The following SH3RF1 variants were observed in gnomAD, a reference collection of about 807,000 sequenced individuals.
SH3RF1 encodes the protein SH3 domain containing ring finger 1.
SH3RF1 carries 32 observed loss-of-function variants against 74.0 expected under a neutral mutation model. The observed-to-expected ratio is 0.43, with a 90% confidence interval of 0.33 to 0.58. SH3RF1 has a LOEUF of 0.58. Among genes scored for constraint, SH3RF1 ranks in the 20% least tolerant of loss-of-function variants. The probability of loss-of-function intolerance (pLI) is 0.05; values close to 1 mark genes in which losing one functional copy is unlikely to be tolerated. For synonymous variants in SH3RF1, 396 were observed against 439.6 expected, an observed-to-expected ratio of 0.90 and a Z score of 1.24; for missense variants, 954 against 1,130.9, an observed-to-expected ratio of 0.84 and a Z score of 2.24.
rs927948009 is a variant in SH3RF1 at position 169,121,308 on chromosome 4, T to C, written c.1347-319A>G. ...GTGCCTAACTTGCTACCAGAGATTATGTACCCACTGGGAAAACTGAGTTCT... is the reference window on the plus strand; with the variant it reads ...GTGCCTAACTTGCTACCAGAGATTACGTACCCACTGGGAAAACTGAGTTCT... On this transcript the variant is annotated intron_variant, in intron 7 of 11. Transcript: ENST00000284637. Among the ~76,000 whole-genome samples the C allele has an allele frequency of 3.9e-5, 6 of 152,326 alleles. No individual in the cohort carries two copies. The South Asian group carries it at 1.2e-3, about 32-fold the overall frequency.
chr4:169,169,826 C>A (rs1479957571), intron 2 of SH3RF1, among the ~76,000 whole-genome samples: 1 of 152,068 alleles, frequency 6.6e-6, no homozygotes, highest in Non-Finnish European at 1.5e-5. Context: ...CTCCTGGGCT[C>A]AAGCAATCCT....
At chr4:169,207,186 A>G (rs1377517743) in intron 2 of SH3RF1, among the ~76,000 whole-genome samples, 1 of 152,102 alleles carries the variant, frequency 6.6e-6, no homozygotes, top group Non-Finnish European at 1.5e-5. Flanking sequence ...TCAAACTCCT[A>G]AGCTCAAGCA....
intron 2 of SH3RF1, among the ~76,000 whole-genome samples, chr4:169,207,703 T>G (rs1730284414): frequency 6.6e-6 from 1 of 152,314 alleles, no homozygotes; most frequent in Middle Eastern, 3.4e-3. Flanking sequence ...AACTCTAGAA[T>G]GTGATGGCTG....
intron 2 of SH3RF1, among the ~76,000 whole-genome samples, chr4:169,195,303 C>T (rs1419907814): frequency 6.6e-6 from 1 of 151,920 alleles, no homozygotes; most frequent in Non-Finnish European, 1.5e-5. Flanking sequence ...TATAATTATA[C>T]CTCCTAGGAA....
chr4:169,134,661 TG>T (rs1733667221), intron 5 of SH3RF1, among the ~76,000 whole-genome samples: 1 of 152,230 alleles, frequency 6.6e-6, no homozygotes. Context: ...TGAACCTTTC[TG>T]GATTAACCTC....
intron 5 of SH3RF1, among the ~76,000 whole-genome samples, chr4:169,134,945 C>T (rs1733678647): frequency 6.6e-6 from 1 of 152,150 alleles, no homozygotes. Context: ...CATGGCCCTA[C>T]CACCTAAAAA....
intron 2 of SH3RF1, among the ~76,000 whole-genome samples, chr4:169,260,933 T>C (rs941734457): frequency 6.6e-6 from 1 of 152,162 alleles, no homozygotes; most frequent in African/African-American, 2.4e-5. Context: ...CAAATAGAAA[T>C]GAAATTAAAT....
At chr4:169,121,233 C>T (rs1733431680) in intron 7 of SH3RF1, among the ~76,000 whole-genome samples, 1 of 152,186 alleles carries the variant, frequency 6.6e-6, no homozygotes, top group Non-Finnish European at 1.5e-5. Context: ...AGTTACTATC[C>T]CACCAAATAG....
chr4:169,208,591 G>A (rs1366442156), intron 2 of SH3RF1, among the ~76,000 whole-genome samples: 2 of 152,108 alleles, frequency 1.3e-5, no homozygotes, highest in Admixed American at 6.6e-5. Context: ...AGTCATCTTA[G>A]TTATACCAAT....
At chr4:169,226,690 A>T (rs1413083960) in intron 2 of SH3RF1, among the ~76,000 whole-genome samples, 1 of 152,166 alleles carries the variant, frequency 6.6e-6, no homozygotes, top group Non-Finnish European at 1.5e-5. Flanking sequence ...TTTTATAGGA[A>T]ACTATTGTAG....
chr4:169,097,990 G>C (rs759910404), intron 11 of SH3RF1, among the ~76,000 whole-genome samples: 4 of 152,212 alleles, frequency 2.6e-5, no homozygotes, highest in Admixed American at 6.5e-5. Flanking sequence ...ATGTGAATAA[G>C]CCATCTTAGA....
At chr4:169,230,719 C>T (rs1327799644) in intron 2 of SH3RF1, among the ~76,000 whole-genome samples, 1 of 151,850 alleles carries the variant, frequency 6.6e-6, no homozygotes, top group Non-Finnish European at 1.5e-5. Context: ...ATTAGCTGGG[C>T]GTGGTGGCAC....
At chr4:169,121,060 T>G in intron 7 of SH3RF1, 71 bp from the exon 8 acceptor site, 2 of 1,300,722 alleles carry the variant, frequency 1.5e-6, no homozygotes, top group Middle Eastern at 1.9e-4. Flanking sequence ...AAATTCTTCC[T>G]TGGTACAAAG....
chr4:169,261,984 T>C (rs926279404), intron 2 of SH3RF1, among the ~76,000 whole-genome samples: 3 of 152,106 alleles, frequency 2.0e-5, no homozygotes, highest in African/African-American at 4.8e-5. Flanking sequence ...AAAAATACTA[T>C]GAAGAAAAAT....
rs181142561 is a variant in SH3RF1 at position 169,165,866 on chromosome 4, C to A, written c.394-9187G>T. Among the ~76,000 whole-genome samples the A allele has an allele frequency of 1.4e-3, 212 of 152,190 alleles. 2 individuals are homozygous for A. The South Asian group carries it at 0.027, about 19-fold the overall frequency. On this transcript the variant is annotated intron_variant, in intron 2 of 11. Transcript: ENST00000284637. ...GCAATTCAACTGAGAAAAATAAAGT[C>A]TTTTCAAAAGATGATTTCAGAACAA... is the stretch of plus-strand genomic sequence containing the variant.
chr4:169,202,165 C>T (rs1029124726), intron 2 of SH3RF1, among the ~76,000 whole-genome samples: 1 of 152,066 alleles, frequency 6.6e-6, no homozygotes, highest in Non-Finnish European at 1.5e-5. Flanking sequence ...AATGGAAGTA[C>T]TTATTCAGCA....
At chr4:169,163,756 T>C (rs970729188) in intron 2 of SH3RF1, among the ~76,000 whole-genome samples, 1 of 152,190 alleles carries the variant, frequency 6.6e-6, no homozygotes, top group South Asian at 2.1e-4. Context: ...TCCAACTTCA[T>C]ACATGCCATC....
At chr4:169,199,053 T>G (rs78472076) in intron 2 of SH3RF1, among the ~76,000 whole-genome samples, 1,587 of 152,224 alleles carry the variant, frequency 0.01, 30 homozygotes, top group African/African-American at 0.037. Context: ...GCAAATAAAT[T>G]GGTAAAATAG....
At chr4:169,266,180 T>C (rs1377757844) in intron 2 of SH3RF1, among the ~76,000 whole-genome samples, 2 of 152,212 alleles carry the variant, frequency 1.3e-5, no homozygotes, top group Non-Finnish European at 2.9e-5. Flanking sequence ...GCGTCACACA[T>C]TGGAAATGTT....
Sources: allele counts gnomAD v4.1 joint callset (sites outside exome capture counted in the v4.1 genomes callset), GRCh38; gene constraint gnomAD v4.1.1; transcripts MANE v1.5; gene names NCBI Gene and HGNC (gene_info 2026-07-23, HGNC 2026-07-21).